The following NPEPPS variants were observed in gnomAD, a reference collection of about 807,000 sequenced individuals.
The protein encoded by NPEPPS is puromycin-sensitive aminopeptidase.
NPEPPS carries 14 observed loss-of-function variants against 115.5 expected under a neutral mutation model. The observed-to-expected ratio is 0.12, with a 90% CI of 0.08 to 0.19. The LOEUF (loss-of-function observed/expected upper bound fraction) is 0.19, where lower values mean the gene tolerates loss of function less well. Ranked by LOEUF, NPEPPS falls within the 10% of genes least tolerant of loss-of-function variation. The pLI, the probability that NPEPPS is intolerant of heterozygous loss-of-function variation, is 1.00. For synonymous variants in NPEPPS, 285 were observed against 390.6 expected (o/e 0.73, Z 3.19); for missense variants, 523 against 1,110.8 (o/e 0.47, Z 7.52).
At chr17:47,568,172 TTC>T (rs956598886) in intron 2 of NPEPPS, among the ~76,000 whole-genome samples, 5 of 151,394 alleles carry the variant, frequency 3.3e-5, no homozygotes, top group African/African-American at 1.2e-4. Context: ...TTTTTTTTTT[TTC>T]TTTTTTTGAG....
rs1251862423 is a variant in NPEPPS, at chr17:47,531,187, C to G, written c.-114C>G. The G allele has an allele frequency of 2.2e-6, 3 of 1,388,450 alleles. No homozygotes were observed. The highest frequency in any genetic ancestry group is 3.1e-5 in the Admixed American group (1 of 32,246). 86.0% of individuals were successfully genotyped at this position (1,388,450 alleles called of 1,614,324 possible). On this transcript the variant is annotated 5_prime_UTR_variant, in exon 1 of 23. Coordinates refer to ENST00000322157, the MANE Select transcript of NPEPPS (RefSeq NM_006310.4). ...CCCCCTTCCCCGTAGGCAGCCCGCCCGCCAGTCCGCCCGCACCGCCTCCTT... is the reference window on the plus strand; with the variant it reads ...CCCCCTTCCCCGTAGGCAGCCCGCCGGCCAGTCCGCCCGCACCGCCTCCTT...
Position 47,599,684 on chromosome 17 carries a change from T to C in NPEPPS, c.1545T>C (p.Asp515=), listed in dbSNP as rs1000013668. The C allele has an allele frequency of 2.6e-6, 4 of 1,560,602 alleles. No individual in the cohort carries two copies. Among genetic ancestry groups the C allele is most frequent in the African/African-American group, 2.7e-5 (2 of 73,774 alleles). Reference sequence around the variant, plus strand: ...TTGTTTTGCTTCTTTAGGTAGAAGATGACAGATTATTGAGGTTGTCCCAAA... The same window carrying C: ...TTGTTTTGCTTCTTTAGGTAGAAGACGACAGATTATTGAGGTTGTCCCAAA... The part of the protein sequence containing the change: ...LIYVEAEQVE[D]DRLLRLSQKK... Residue 515 remains aspartate, a synonymous_variant, in exon 14 of 23, where the codon GAT becomes GAC. Transcript: ENST00000322157.
chr17:47,573,109 C>T (rs1258713945), intron 3 of NPEPPS, among the ~76,000 whole-genome samples: 1 of 152,136 alleles, frequency 6.6e-6, no homozygotes, highest in African/African-American at 2.4e-5. Flanking sequence ...AGGAACATTT[C>T]CTTGAACTGA....
intron 1 of NPEPPS, among the ~76,000 whole-genome samples, chr17:47,532,367 A>G (rs1309156243): frequency 6.6e-6 from 1 of 152,026 alleles, no homozygotes; most frequent in Non-Finnish European, 1.5e-5. Flanking sequence ...TCCTCTCCCA[A>G]GAAGCTGGCT....
intron 3 of NPEPPS, among the ~76,000 whole-genome samples, chr17:47,578,143 A>G (rs1911638792): frequency 6.7e-6 from 1 of 149,970 alleles, no homozygotes; most frequent in Admixed American, 6.6e-5. Flanking sequence ...CGGAGGCTGC[A>G]GTGAGCCGAG....
chr17:47,535,242 CAAAA>C (rs1163530675), intron 1 of NPEPPS, among the ~76,000 whole-genome samples: 1 of 57,116 alleles, frequency 1.8e-5, no homozygotes, highest in African/African-American at 9.7e-5. Context: ...GACTCTGTCT[CAAAA>C]AAAAAAAAAA....
chr17:47,586,313 A>T (rs1321223186), intron 7 of NPEPPS, 52 bp from the exon 8 acceptor site: 1 of 1,011,154 alleles, frequency 9.9e-7, no homozygotes, highest in South Asian at 2.8e-5. Context: ...TTGATGCAAG[A>T]GTATATATAT....
intron 1 of NPEPPS, among the ~76,000 whole-genome samples, chr17:47,544,871 C>T (rs1382519249): frequency 6.7e-6 from 1 of 148,766 alleles, no homozygotes; most frequent in African/African-American, 2.5e-5. Flanking sequence ...TGCCACCAGA[C>T]CTGGCTAATT....
At chr17:47,578,297 T>G (rs113762879) in intron 3 of NPEPPS, among the ~76,000 whole-genome samples, 1 of 152,128 alleles carries the variant, frequency 6.6e-6, no homozygotes, top group African/African-American at 2.4e-5. Context: ...GAAACATTAG[T>G]ATATAAAAGT....
At chr17:47,527,325 A>T (rs958523943), upstream of NPEPPS, among the ~76,000 whole-genome samples, 2 of 151,762 alleles carry the variant, frequency 1.3e-5, no homozygotes, top group African/African-American at 2.4e-5. Flanking sequence ...TCTACTAAAA[A>T]TACAAAAAAA....
At chr17:47,539,486 TA>T (rs1357079992) in intron 1 of NPEPPS, among the ~76,000 whole-genome samples, 1 of 151,412 alleles carries the variant, frequency 6.6e-6, no homozygotes, top group African/African-American at 2.4e-5. Context: ...AAACAGATGT[TA>T]ACGTTTTGCC....
intron 1 of NPEPPS, among the ~76,000 whole-genome samples, chr17:47,536,122 AC>A (rs1908232118): frequency 6.6e-6 from 1 of 152,120 alleles, no homozygotes; most frequent in Non-Finnish European, 1.5e-5. Context: ...GGCGTGAGCC[AC>A]CGTGCCCAGC....
At chr17:47,542,446 T>C (rs1173370872) in intron 1 of NPEPPS, among the ~76,000 whole-genome samples, 1 of 149,770 alleles carries the variant, frequency 6.7e-6, no homozygotes, top group Non-Finnish European at 1.5e-5. Context: ...CTAGGGAGGC[T>C]GAGGCAGGAA....
At chr17:47,617,496 C>CATAT (rs749756301) in intron 19 of NPEPPS, among the ~76,000 whole-genome samples, 3 of 120,326 alleles carry the variant, frequency 2.5e-5, no homozygotes, top group African/African-American at 8.0e-5. Context: ...TGTGCCCAGC[C>CATAT]ATATATATAT....
chr17:47,617,838 A>G (rs1293677108), intron 19 of NPEPPS, among the ~76,000 whole-genome samples: 2 of 152,012 alleles, frequency 1.3e-5, no homozygotes, highest in African/African-American at 4.8e-5. Flanking sequence ...TGATTTACTT[A>G]CTGTAACAGC....
chr17:47,548,161 A>AT (rs1483264651), intron 2 of NPEPPS: 5 of 152,122 alleles, frequency 3.3e-5, no homozygotes, highest in Admixed American at 2.0e-4. Context: ...AACATTTATG[A>AT]TTTTTTCTTA....
intron 17 of NPEPPS, among the ~76,000 whole-genome samples, chr17:47,610,061 C>G (rs1178262014): frequency 6.6e-6 from 1 of 151,784 alleles, no homozygotes; most frequent in Non-Finnish European, 1.5e-5. Flanking sequence ...TAAAATTCAC[C>G]CTTTTAAAGT....
chr17:47,622,678 C>T lies in NPEPPS; in HGVS notation c.*758C>T, dbSNP rs994092123. ...GAAGAAATAATAAGGAAACATCTTT[C>T]ATAGCCACATTAAATAAGAGAAACT... On this transcript the variant is annotated 3_prime_UTR_variant, in exon 23 of 23. Coordinates refer to ENST00000322157, the MANE Select transcript of NPEPPS (RefSeq NM_006310.4). 2.9e-6 allele frequency: 1 copy of T among 347,300 alleles called. No homozygotes were observed. The highest frequency in any genetic ancestry group is 5.4e-6 in the Non-Finnish European group (1 of 185,194). 21.5% of individuals were successfully genotyped at this position (347,300 alleles called of 1,614,324 possible). A position where few individuals can be genotyped will look rare whatever the true frequency, so the allele number is the denominator to read the frequency against.
At chr17:47,529,157 G>T (rs1907553920), upstream of NPEPPS, among the ~76,000 whole-genome samples, 1 of 152,154 alleles carries the variant, frequency 6.6e-6, no homozygotes, top group Non-Finnish European at 1.5e-5. Flanking sequence ...TTCTATCTGA[G>T]AAATTTCTAT....
Sources: allele counts gnomAD v4.1 joint callset (sites outside exome capture counted in the v4.1 genomes callset), GRCh38; gene constraint gnomAD v4.1.1; transcripts MANE v1.5; gene names NCBI Gene and HGNC (gene_info 2026-07-23, HGNC 2026-07-21).